DNAJC5B: variants seen among roughly 807,000 people sequenced by gnomAD.
The protein encoded by DNAJC5B is DnaJ heat shock protein family (Hsp40) member C5 beta.
DNAJC5B carries 23 observed loss-of-function variants against 24.7 expected under a neutral mutation model. The ratio of observed to expected loss-of-function variants is 0.93; its 90% confidence interval spans 0.67 to 1.32. The LOEUF (loss-of-function observed/expected upper bound fraction) is 1.32, where lower values mean the gene tolerates loss of function less well. Ranked by LOEUF, DNAJC5B falls within the 40% of genes most tolerant of loss-of-function variation. The probability of loss-of-function intolerance (pLI) is 0.00; values close to 1 mark genes in which losing one functional copy is unlikely to be tolerated. For synonymous variants in DNAJC5B, 101 were observed against 90.1 expected (o/e 1.12, Z -0.68); for missense variants, 238 against 240.8 (o/e 0.99, Z 0.08).
intron 1 of DNAJC5B, among the ~76,000 whole-genome samples, chr8:66,025,885 G>A (rs1806230447): frequency 1.1e-5 from 1 of 89,572 alleles, no homozygotes; most frequent in Admixed American, 1.0e-4. Flanking sequence ...TTGTTCTTTT[G>A]GCTTAGGATT....
intron 4 of DNAJC5B, 92 bp from the exon 5 acceptor site, chr8:66,080,285 C>T: frequency 6.5e-7 from 1 of 1,535,304 alleles, no homozygotes; most frequent in African/African-American, 1.4e-5. Flanking sequence ...GTTCAGGTCT[C>T]TGGGGGTACC....
intron 3 of DNAJC5B, among the ~76,000 whole-genome samples, chr8:66,071,329 A>T (rs1001483817): frequency 1.3e-5 from 2 of 152,242 alleles, no homozygotes; most frequent in African/African-American, 4.8e-5. Flanking sequence ...TCCAGAATCG[A>T]CAAAGAACTT....
intron 1 of DNAJC5B, among the ~76,000 whole-genome samples, chr8:66,027,780 T>C (rs1806278291): frequency 6.6e-6 from 1 of 152,178 alleles, no homozygotes; most frequent in Non-Finnish European, 1.5e-5. Flanking sequence ...ATCAAGCTTA[T>C]CTCCTCTCAT....
intron 5 of DNAJC5B, among the ~76,000 whole-genome samples, chr8:66,090,859 A>T (rs1012422416): frequency 1.3e-5 from 2 of 152,198 alleles, no homozygotes; most frequent in East Asian, 3.8e-4. Flanking sequence ...AGTCAAAAGG[A>T]ATCAATTTCT....
intron 3 of DNAJC5B, chr8:66,057,770 A>T (rs1159847283): frequency 6.6e-6 from 1 of 152,242 alleles, no homozygotes; most frequent in Non-Finnish European, 1.5e-5. Context: ...GTGACAAAAG[A>T]TTTTTCAACT....
intron 3 of DNAJC5B, among the ~76,000 whole-genome samples, chr8:66,054,067 A>G (rs1344050719): frequency 6.6e-6 from 1 of 151,876 alleles, no homozygotes; most frequent in Non-Finnish European, 1.5e-5. Flanking sequence ...GTTATTGAAC[A>G]TGTAAGTTCT....
chr8:66,050,315 A>G (rs1192087496), intron 2 of DNAJC5B, among the ~76,000 whole-genome samples: 1 of 152,156 alleles, frequency 6.6e-6, no homozygotes. Flanking sequence ...ATGCATGTAC[A>G]TTTGTACATG....
At chr8:66,096,323 A>G (rs1356042671) in intron 5 of DNAJC5B, among the ~76,000 whole-genome samples, 1 of 152,150 alleles carries the variant, frequency 6.6e-6, no homozygotes, top group East Asian at 1.9e-4. Context: ...ATCTCCAAAT[A>G]TGATCACATT....
chr8:66,050,429 C>T (rs1330562450), intron 2 of DNAJC5B, among the ~76,000 whole-genome samples: 1 of 152,162 alleles, frequency 6.6e-6, no homozygotes, highest in East Asian at 1.9e-4. Context: ...AGGAACTGAA[C>T]CCCACTGAGG....
chr8:66,084,607 A>G (rs527864104), intron 5 of DNAJC5B, among the ~76,000 whole-genome samples: 1 of 152,244 alleles, frequency 6.6e-6, no homozygotes. Flanking sequence ...GACTTTGTTT[A>G]TAAGTAAGAG....
At chr8:66,079,270 G>GTAC (rs1807539007) in intron 4 of DNAJC5B, among the ~76,000 whole-genome samples, 1 of 152,120 alleles carries the variant, frequency 6.6e-6, no homozygotes, top group South Asian at 2.1e-4. Flanking sequence ...CACATACCAG[G>GTAC]TACTAAGTCC....
At chr8:66,074,408 C>A (rs1807417000) in intron 3 of DNAJC5B, among the ~76,000 whole-genome samples, 1 of 152,126 alleles carries the variant, frequency 6.6e-6, no homozygotes, top group South Asian at 2.1e-4. Flanking sequence ...AACTATAAAC[C>A]ACATGTTTAT....
chr8:66,031,615 T>C (rs1401145470), intron 1 of DNAJC5B, among the ~76,000 whole-genome samples: 1 of 152,216 alleles, frequency 6.6e-6, no homozygotes. Context: ...TCCCAGGATC[T>C]GCACTCAGCA....
chr8:66,023,366 C>T (rs1806184091), intron 1 of DNAJC5B, among the ~76,000 whole-genome samples: 1 of 152,182 alleles, frequency 6.6e-6, no homozygotes, highest in South Asian at 2.1e-4. Flanking sequence ...CTCCTAGCCT[C>T]TGCACCTCCA....
chr8:66,077,495 T>C (rs1807493754), intron 4 of DNAJC5B, among the ~76,000 whole-genome samples: 1 of 152,166 alleles, frequency 6.6e-6, no homozygotes, highest in South Asian at 2.1e-4. Context: ...GTAAATTTTG[T>C]TTGGTTTCCT....
At chr8:66,049,237 C>T (rs934514376) in intron 2 of DNAJC5B, among the ~76,000 whole-genome samples, 1 of 152,156 alleles carries the variant, frequency 6.6e-6, no homozygotes, top group African/African-American at 2.4e-5. Context: ...TGTAGTGTGA[C>T]ACATGATTCA....
chr8:66,020,025 C>T (rs1230839035), upstream of DNAJC5B, among the ~76,000 whole-genome samples: 2 of 152,170 alleles, frequency 1.3e-5, no homozygotes, highest in African/African-American at 4.8e-5. Flanking sequence ...TACTTTCTTC[C>T]TTGTTACTCA....
At chr8:66,050,288 A>C (rs1208833606) in intron 2 of DNAJC5B, among the ~76,000 whole-genome samples, 1 of 152,162 alleles carries the variant, frequency 6.6e-6, no homozygotes, top group South Asian at 2.1e-4. Flanking sequence ...ACCTAGCTGA[A>C]ACACACAAGA....
chr8:66,041,942 A>T (rs1007101766), intron 1 of DNAJC5B, among the ~76,000 whole-genome samples: 4 of 152,024 alleles, frequency 2.6e-5, no homozygotes, highest in African/African-American at 9.7e-5. Context: ...ATGCTCTTCC[A>T]CCTGCTTGGA....
Sources: allele counts gnomAD v4.1 joint callset (sites outside exome capture counted in the v4.1 genomes callset), GRCh38; gene constraint gnomAD v4.1.1; transcripts MANE v1.5; gene names NCBI Gene and HGNC (gene_info 2026-07-23, HGNC 2026-07-21).